LDAH: variants seen among roughly 807,000 people sequenced by gnomAD.
LDAH encodes the protein lipid droplet-associated hydrolase.
In LDAH, 26 loss-of-function variants were observed where a neutral mutation model predicts 29.6. That is an observed-to-expected ratio of 0.88 (90% CI 0.64 to 1.22). The LOEUF (loss-of-function observed/expected upper bound fraction) is 1.22. Ranked by LOEUF, LDAH falls within the 50% of genes most tolerant of loss-of-function variation. The pLI, the probability that LDAH is intolerant of heterozygous loss-of-function variation, is 0.00. For synonymous variants in LDAH, 117 were observed against 133.0 expected (o/e 0.88, Z 0.83); for missense variants, 344 against 387.3 (o/e 0.89, Z 0.94).
chr2:20,781,610 G>C (rs746195494), intron 3 of LDAH, among the ~76,000 whole-genome samples: 2 of 152,170 alleles, frequency 1.3e-5, no homozygotes, highest in African/African-American at 2.4e-5. Context: ...TAGCTGAATG[G>C]GGGGCTGGTC....
chr2:20,783,965 G>A (rs1409363917), intron 3 of LDAH, among the ~76,000 whole-genome samples: 1 of 152,104 alleles, frequency 6.6e-6, no homozygotes. Context: ...TGTTGACCTC[G>A]TCCTCCCAAA....
intron 1 of LDAH, among the ~76,000 whole-genome samples, chr2:20,820,211 T>A (rs1329242504): frequency 6.6e-6 from 1 of 152,092 alleles, no homozygotes; most frequent in Non-Finnish European, 1.5e-5. Flanking sequence ...ATAGATTCAA[T>A]GCCATCCCCA....
intron 4 of LDAH, among the ~76,000 whole-genome samples, chr2:20,742,776 T>TTTTTC (rs1189879931): frequency 6.7e-6 from 1 of 148,688 alleles, no homozygotes; most frequent in Admixed American, 7.1e-5. Flanking sequence ...AGTGCTTTTC[T>TTTTTC]TTTTCTTTTC....
At chr2:20,790,141 G>A in intron 3 of LDAH, 114 bp downstream of exon 3, 10 of 1,058,300 alleles carry the variant, frequency 9.4e-6, no homozygotes, top group Non-Finnish European at 1.4e-5. Context: ...GGCACCATGG[G>A]CCTAATGCCA....
intron 5 of LDAH, among the ~76,000 whole-genome samples, chr2:20,706,598 A>G (rs545927304): frequency 2.8e-4 from 43 of 152,288 alleles, no homozygotes; most frequent in Middle Eastern, 3.4e-3. Flanking sequence ...AAAAATCTCA[A>G]CTGAATTTTA....
At chr2:20,728,017 G>A (rs1666133729) in intron 5 of LDAH, among the ~76,000 whole-genome samples, 1 of 152,080 alleles carries the variant, frequency 6.6e-6, no homozygotes, top group Non-Finnish European at 1.5e-5. Flanking sequence ...TTGCCAAAAG[G>A]GCAGCAGGAT....
chr2:20,711,401 A>C (rs1460408595), intron 5 of LDAH, among the ~76,000 whole-genome samples: 1 of 149,648 alleles, frequency 6.7e-6, no homozygotes, highest in African/African-American at 2.5e-5. Context: ...AAAAAAAAAG[A>C]GTAGAGAAGT....
chr2:20,775,104 GATA>G, intron 3 of LDAH, 125 bp from the exon 4 acceptor site: 3 of 763,530 alleles, frequency 3.9e-6, no homozygotes, highest in Non-Finnish European at 6.2e-6. Flanking sequence ...GTGTGCCAGT[GATA>G]ATATTAGGCA....
downstream of LDAH, among the ~76,000 whole-genome samples, chr2:20,683,481 G>A (rs1662369150): frequency 6.6e-6 from 1 of 152,216 alleles, no homozygotes; most frequent in South Asian, 2.1e-4. Flanking sequence ...GCAAGAGAAG[G>A]CCAGGGATGA....
intron 3 of LDAH, among the ~76,000 whole-genome samples, chr2:20,789,919 C>T (rs1363846534): frequency 1.3e-5 from 2 of 152,178 alleles, no homozygotes; most frequent in African/African-American, 4.8e-5. Context: ...AAAACTGGTT[C>T]CCAGAGGCCA....
chr2:20,725,141 A>G (rs1363342062), intron 5 of LDAH, among the ~76,000 whole-genome samples: 3 of 152,208 alleles, frequency 2.0e-5, no homozygotes, highest in African/African-American at 7.2e-5. Flanking sequence ...CACGTTTACA[A>G]GGAAAAATCA....
rs1662507712 is a variant in LDAH at position 20,685,650 on chromosome 2, G to C, written c.*1253C>G. ...CTTAGGGAATGATAATGCCATGAGG[G>C]ATTTCCTCTAGGAGAAAAAGGAATA... On this transcript the variant is annotated 3_prime_UTR_variant, in exon 7 of 7. Transcript: ENST00000237822. 6.5e-7 allele frequency: 1 copy of C among 1,549,844 alleles called. No homozygotes were observed. Among genetic ancestry groups the C allele is most frequent in the Admixed American group, 2.0e-5 (1 of 50,944 alleles).
At chr2:20,739,857 GA>G (rs1187074673) in intron 5 of LDAH, 113 bp downstream of exon 5, 108 of 678,028 alleles carry the variant, frequency 1.6e-4, no homozygotes, top group Admixed American at 4.1e-4. Flanking sequence ...TTTGGAAGAG[GA>G]AAAAAAAACT....
intron 5 of LDAH, among the ~76,000 whole-genome samples, chr2:20,713,866 C>T (rs1371209678): frequency 6.6e-6 from 1 of 152,112 alleles, no homozygotes; most frequent in Non-Finnish European, 1.5e-5. Context: ...TACAGGAGCA[C>T]CTAGATTCAT....
intron 2 of LDAH, among the ~76,000 whole-genome samples, chr2:20,791,823 T>G (rs1316146200): frequency 6.6e-6 from 1 of 152,192 alleles, no homozygotes; most frequent in Non-Finnish European, 1.5e-5. Flanking sequence ...GACTGGCCAA[T>G]TGTTCCAAGA....
intron 5 of LDAH, among the ~76,000 whole-genome samples, chr2:20,714,858 A>C (rs2149383863): frequency 6.6e-6 from 1 of 152,346 alleles, no homozygotes; most frequent in African/African-American, 2.4e-5. Context: ...TGAATAGACC[A>C]ATAACAGGAT....
chr2:20,723,144 C>A (rs116367594), intron 5 of LDAH, among the ~76,000 whole-genome samples: 2,063 of 152,244 alleles, frequency 0.014, 48 homozygotes, highest in African/African-American at 0.047. Context: ...GTGCATTCAT[C>A]CAGTGGAAAA....
rs540662144 is a variant in LDAH, at chr2:20,727,659, T to C, written c.703+12312A>G. Among the ~76,000 whole-genome samples the C allele has an allele frequency of 6.6e-5, 10 of 152,330 alleles. No individual in the cohort carries two copies. The South Asian group carries it at 1.7e-3, about 25-fold the overall frequency. On this transcript the variant is annotated intron_variant, in intron 5 of 6. Transcript: ENST00000237822. The stretch of plus-strand genomic sequence containing the variant: ...ATTTTGACTTGCTATACTGCTGAAC[T>C]AAGACGTATTTTCTTTTAGCTTTGA...
chr2:20,747,214 C>A (rs1204442459), intron 4 of LDAH, among the ~76,000 whole-genome samples: 1 of 152,016 alleles, frequency 6.6e-6, no homozygotes, highest in East Asian at 1.9e-4. Context: ...ACAGATGCAT[C>A]CATTTTTCTG....
Sources: gnomAD v4.1 joint callset for allele counts (sites outside exome capture counted in the v4.1 genomes callset) on GRCh38, gnomAD v4.1.1 for gene constraint, MANE v1.5 for transcripts, NCBI Gene and HGNC (gene_info 2026-07-23, HGNC 2026-07-21) for gene names.